Variants in AK3 observed in about 807,000 individuals in gnomAD.
The protein encoded by AK3 is GTP:AMP phosphotransferase AK3, mitochondrial.
AK3 carries 27 observed loss-of-function variants against 23.7 expected under a neutral mutation model. That is an observed-to-expected ratio of 1.14 (90% confidence interval 0.84 to 1.57). AK3 has a LOEUF of 1.57. AK3 is among the 40% of genes most tolerant of loss of function. The pLI is 0.00. For synonymous variants in AK3, 159 were observed against 116.0 expected, an observed-to-expected ratio of 1.37 and a Z score of -2.38; for missense variants, 406 against 285.6, an observed-to-expected ratio of 1.42 and a Z score of -3.04.
intron 1 of AK3, among the ~76,000 whole-genome samples, chr9:4,735,902 G>A (rs1229280747): frequency 6.6e-6 from 1 of 151,956 alleles, no homozygotes; most frequent in Non-Finnish European, 1.5e-5. Flanking sequence ...ATCACTTGAG[G>A]TAGGAAGTTC....
intron 1 of AK3, among the ~76,000 whole-genome samples, chr9:4,737,195 T>C (rs1174488269): frequency 6.7e-6 from 1 of 149,706 alleles, no homozygotes; most frequent in East Asian, 1.9e-4. Context: ...ATAGCTATAA[T>C]TTTCATGAAA....
intron 1 of AK3, among the ~76,000 whole-genome samples, chr9:4,732,535 C>T (rs1842179172): frequency 6.6e-6 from 1 of 151,954 alleles, no homozygotes; most frequent in Admixed American, 6.6e-5. Flanking sequence ...ACACAAAAGG[C>T]AGTTTAAAAG....
At chr9:4,718,215 C>G (rs1162586163) in intron 4 of AK3, among the ~76,000 whole-genome samples, 1 of 152,246 alleles carries the variant, frequency 6.6e-6, no homozygotes. Flanking sequence ...AAGAGAACGG[C>G]TACACTGATC....
upstream of AK3, chr9:4,741,253 A>AGACAGCGCGG: frequency 1.4e-6 from 1 of 726,726 alleles, no homozygotes; most frequent in Non-Finnish European, 2.0e-6. Flanking sequence ...GGGGCCGCCC[A>AGACAGCGCGG]GACAGCGCGG....
At chr9:4,716,307 T>G (rs190559209) in intron 4 of AK3, among the ~76,000 whole-genome samples, 1 of 152,326 alleles carries the variant, frequency 6.6e-6, no homozygotes, top group East Asian at 1.9e-4. Context: ...TGGATCTAAT[T>G]GTCCATGTGG....
intron 1 of AK3, among the ~76,000 whole-genome samples, chr9:4,738,255 T>C (rs1842342822): frequency 6.6e-6 from 1 of 152,174 alleles, no homozygotes; most frequent in African/African-American, 2.4e-5. Context: ...AACCTCCGCC[T>C]CCCAGTTTCA....
intron 2 of AK3, among the ~76,000 whole-genome samples, chr9:4,719,566 A>C (rs140847430): frequency 2.2e-4 from 34 of 152,242 alleles, no homozygotes; most frequent in Non-Finnish European, 2.5e-4. Context: ...TTTTGTTATG[A>C]AATTATCATG....
intron 4 of AK3, among the ~76,000 whole-genome samples, chr9:4,717,199 T>G (rs1841759879): frequency 6.6e-6 from 1 of 152,176 alleles, no homozygotes. Context: ...CTCCAGAGTC[T>G]GTGTTCTGCC....
In AK3 at chr9:4,729,463, C is replaced by A. The variant is rs185588021; in HGVS notation, c.152-6838G>T. ...CTCCAGCCTGAGTGACAGAGCAAGACCCTGTCTTGCAGGGAGGGGGGAAAG... is the reference window on the plus strand; with the variant it reads ...CTCCAGCCTGAGTGACAGAGCAAGAACCTGTCTTGCAGGGAGGGGGGAAAG... On this transcript the variant is annotated intron_variant, in intron 1 of 4. Coordinates refer to ENST00000381809, the MANE Select transcript of AK3 (RefSeq NM_016282.4). 8.6e-5 allele frequency among the ~76,000 whole-genome samples: 13 copies of A among 151,970 alleles called. No homozygotes were observed. The East Asian group carries it at 2.5e-3, about 30-fold the overall frequency.
chr9:4,729,211 T>C (rs1429645304), intron 1 of AK3, among the ~76,000 whole-genome samples: 2 of 151,928 alleles, frequency 1.3e-5, no homozygotes, highest in Non-Finnish European at 2.9e-5. Context: ...GGTTTCACCA[T>C]GTTGGTCAGG....
intron 4 of AK3, among the ~76,000 whole-genome samples, chr9:4,713,947 C>CACACCTCCACATAT (rs1841632840): frequency 2.6e-4 from 1 of 3,884 alleles, no homozygotes; most frequent in Non-Finnish European, 8.4e-4. Flanking sequence ...TCCACATATA[C>CACACCTCCACATAT]ACGCCTACAC....
chr9:4,713,370 C>G (rs147931422), intron 4 of AK3, among the ~76,000 whole-genome samples: 3 of 152,296 alleles, frequency 2.0e-5, no homozygotes, highest in African/African-American at 7.2e-5. Flanking sequence ...GTGTCAAAGG[C>G]TGTGCTACAT....
At chr9:4,734,914 G>A (rs962692827) in intron 1 of AK3, among the ~76,000 whole-genome samples, 5 of 152,232 alleles carry the variant, frequency 3.3e-5, no homozygotes, top group Non-Finnish European at 4.4e-5. Flanking sequence ...ACCACATATT[G>A]TATGATTGCA....
intron 1 of AK3, among the ~76,000 whole-genome samples, chr9:4,729,974 A>G (rs905907973): frequency 6.6e-6 from 1 of 152,244 alleles, no homozygotes; most frequent in Non-Finnish European, 1.5e-5. Context: ...GTGGTATATC[A>G]AGACAGTGGA....
chr9:4,717,553 C>T (rs184513266), intron 4 of AK3, among the ~76,000 whole-genome samples: 47 of 152,306 alleles, frequency 3.1e-4, no homozygotes, highest in African/African-American at 1.1e-3. Flanking sequence ...AGCCCTGCCT[C>T]CCCTACCGAC....
chr9:4,715,792 G>C (rs1432001313), intron 4 of AK3, among the ~76,000 whole-genome samples: 2 of 152,140 alleles, frequency 1.3e-5, no homozygotes, highest in African/African-American at 2.4e-5. Flanking sequence ...TGCAGTGGTG[G>C]TGTTATCTGC....
chr9:4,726,701 G>A (rs1229239951), intron 1 of AK3, among the ~76,000 whole-genome samples: 1 of 151,378 alleles, frequency 6.6e-6, no homozygotes, highest in African/African-American at 2.4e-5. Context: ...TCCTGTTAAT[G>A]TTGACACTTT....
At chr9:4,714,021 TACAGCTAC>T (rs1563781020) in intron 4 of AK3, among the ~76,000 whole-genome samples, 386 of 20,860 alleles carry the variant, frequency 0.019, 76 homozygotes, top group African/African-American at 0.066. Context: ...CCTACACATA[TACAGCTAC>T]ACATATACAT....
chr9:4,712,077 G>A lies in AK3; in HGVS notation c.*899C>T, dbSNP rs1409477604. On this transcript the variant is annotated 3_prime_UTR_variant, in exon 5 of 5. Transcript: ENST00000381809. ...TTTTTCTTCTCTTTTTTATTGGCGGGGGAGATGGTACTATAACTTGTTATT... is the reference window on the plus strand; with the variant it reads ...TTTTTCTTCTCTTTTTTATTGGCGGAGGAGATGGTACTATAACTTGTTATT... The A allele has an allele frequency of 6.6e-6, 1 of 152,030 alleles. No homozygotes were observed. Among genetic ancestry groups the A allele is most frequent in the Non-Finnish European group, 1.5e-5 (1 of 68,012 alleles). The allele number at this position is 152,030 out of a possible 1,614,324, so 9.4% of individuals were successfully genotyped here.
Sources: gnomAD v4.1 joint callset for allele counts (sites outside exome capture counted in the v4.1 genomes callset) on GRCh38, gnomAD v4.1.1 for gene constraint, MANE v1.5 for transcripts, NCBI Gene and HGNC (gene_info 2026-07-23, HGNC 2026-07-21) for gene names.